LYPLAL1: variants seen among roughly 807,000 people sequenced by gnomAD.
LYPLAL1 encodes lysophospholipase-like protein 1.
In LYPLAL1, 23 loss-of-function variants were observed where a neutral mutation model predicts 19.7. The ratio of observed to expected loss-of-function variants is 1.17; its 90% confidence interval spans 0.84 to 1.65. LYPLAL1 has a LOEUF of 1.65. Ranked by LOEUF, LYPLAL1 falls within the 40% of genes most tolerant of loss-of-function variation. The probability of loss-of-function intolerance (pLI) is 0.00; values close to 1 mark genes in which losing one functional copy is unlikely to be tolerated. For missense variants in LYPLAL1, 355 were observed against 279.4 expected (o/e 1.27, Z -1.93); for synonymous variants, 119 against 96.3 (o/e 1.24, Z -1.38).
chr1:219,376,859 A>G, the LYPLAL1 span, among the ~76,000 whole-genome samples: 3 of 152,226 alleles, frequency 2.0e-5, no homozygotes, highest in African/African-American at 4.8e-5. Context: ...TGGGGAAATC[A>G]GAATCTCTGT....
the LYPLAL1 span, among the ~76,000 whole-genome samples, chr1:219,225,129 C>CTA: frequency 1.4e-4 from 21 of 152,146 alleles, no homozygotes; most frequent in African/African-American, 4.8e-4. Context: ...GGCTCCATGT[C>CTA]TATACCTCTG....
At chr1:219,353,983 G>A in the LYPLAL1 span, among the ~76,000 whole-genome samples, 1 of 152,128 alleles carries the variant, frequency 6.6e-6, no homozygotes, top group African/African-American at 2.4e-5. Context: ...AACAATCACT[G>A]TGTGTACATA....
chr1:219,312,112 G>C, the LYPLAL1 span, among the ~76,000 whole-genome samples: 1 of 152,166 alleles, frequency 6.6e-6, no homozygotes, highest in East Asian at 1.9e-4. Context: ...TGGTGCATTG[G>C]ACAGTTTGGG....
At chr1:219,419,594 C>CACACACACACAGAGAG in the LYPLAL1 span, among the ~76,000 whole-genome samples, 45 of 99,600 alleles carry the variant, frequency 4.5e-4, 1 homozygote, top group African/African-American at 1.3e-3. Context: ...CACACACACA[C>CACACACACACAGAGAG]AGAGAGAGAG....
At chr1:219,175,003 G>A (rs1655693746) in intron 1 of LYPLAL1, 1 of 985,342 alleles carries the variant, frequency 1.0e-6, no homozygotes, top group Non-Finnish European at 1.2e-6. Flanking sequence ...GAAGAAAGTG[G>A]TCTTTGAGCC....
chr1:219,174,254 A>G lies in LYPLAL1; in HGVS notation c.91+273A>G, dbSNP rs918818850. 5.2e-6 allele frequency: 7 copies of G among 1,352,334 alleles called. No homozygotes were observed. The African/African-American group carries it at 8.9e-5, about 17-fold the overall frequency. 83.8% of individuals were successfully genotyped at this position (1,352,334 alleles called of 1,614,324 possible). A position where few individuals can be genotyped will look rare whatever the true frequency, so the allele number is the denominator to read the frequency against. ...CGCTCAGCCAGCCCTCCATCCCCACAACACACCTCCCCATTCCTCGCCCCA... is the reference window on the plus strand; with the variant it reads ...CGCTCAGCCAGCCCTCCATCCCCACGACACACCTCCCCATTCCTCGCCCCA... On this transcript the variant is annotated intron_variant, in intron 1 of 4. Coordinates refer to ENST00000366928, the MANE Select transcript of LYPLAL1 (RefSeq NM_138794.5).
rs940570 is a variant in LYPLAL1, at chr1:219,210,563, A to G, written c.393A>G (p.Ile131Met). 0.99 allele frequency: 1,599,005 copies of G among 1,608,552 alleles called. 795,240 individuals are homozygous for G. Among genetic ancestry groups the G allele is most frequent in the East Asian group, 1 (44,737 of 44,738 alleles). ...TCTCTATGGGAGGATGCATGGCAAT[A>G]CATTTAGCATATAGAAATCATCAAG... is the stretch of plus-strand genomic sequence containing the variant. ...GGFSMGGCMA[I>M]HLAYRNHQDV... Residue 131 changes from isoleucine to methionine, a missense_variant, in exon 4 of 5, where the codon ATA becomes ATG. By Grantham distance (10) the Ile-to-Met change is conservative (BLOSUM62 1). Transcript: ENST00000366928.
intron 2 of LYPLAL1, among the ~76,000 whole-genome samples, chr1:219,189,912 A>G: frequency 6.6e-6 from 1 of 151,694 alleles, no homozygotes; most frequent in East Asian, 1.9e-4. Context: ...AATAGCTAGG[A>G]CAAGTATGAA....
chr1:219,324,914 T>C, the LYPLAL1 span, among the ~76,000 whole-genome samples: 1 of 152,194 alleles, frequency 6.6e-6, no homozygotes, highest in Non-Finnish European at 1.5e-5. Context: ...CCTTGGCTTT[T>C]TTCAAATAAG....
At chr1:219,366,720 C>T in the LYPLAL1 span, among the ~76,000 whole-genome samples, 1 of 152,078 alleles carries the variant, frequency 6.6e-6, no homozygotes, top group African/African-American at 2.4e-5. Flanking sequence ...CATATTCTTA[C>T]CACAGAGAGA....
At chr1:219,232,354 A>G in the LYPLAL1 span, among the ~76,000 whole-genome samples, 8 of 152,168 alleles carry the variant, frequency 5.3e-5, no homozygotes, top group Non-Finnish European at 1.2e-4. Context: ...ATAGTGTAAT[A>G]TGAAGTTGGG....
chr1:219,216,118 CTA>C (rs1259754017), downstream of LYPLAL1, among the ~76,000 whole-genome samples: 1 of 151,928 alleles, frequency 6.6e-6, no homozygotes, highest in African/African-American at 2.4e-5. Context: ...CTGTTCATCT[CTA>C]GTTTTTTTAT....
the LYPLAL1 span, among the ~76,000 whole-genome samples, chr1:219,360,756 C>T: frequency 6.6e-6 from 1 of 152,050 alleles, no homozygotes; most frequent in Non-Finnish European, 1.5e-5. Flanking sequence ...GGACCTCTTC[C>T]CATGAAGGCA....
At chr1:219,334,473 C>T in the LYPLAL1 span, among the ~76,000 whole-genome samples, 1 of 151,428 alleles carries the variant, frequency 6.6e-6, no homozygotes, top group African/African-American at 2.4e-5. Flanking sequence ...TCAGTGAAAT[C>T]CCTACTTTTC....
At chr1:219,428,758 T>G in the LYPLAL1 span, among the ~76,000 whole-genome samples, 3 of 152,232 alleles carry the variant, frequency 2.0e-5, no homozygotes, top group African/African-American at 7.2e-5. Flanking sequence ...AACGCATTTT[T>G]CAAACAGCAT....
At chr1:219,410,517 CA>C in the LYPLAL1 span, among the ~76,000 whole-genome samples, 1 of 152,248 alleles carries the variant, frequency 6.6e-6, no homozygotes, top group Non-Finnish European at 1.5e-5. Context: ...CGCTTGCTCT[CA>C]GCACCTCCCC....
In LYPLAL1 at chr1:219,200,265, T is replaced by C. The variant is rs147683680; in HGVS notation, c.361+7014T>C. On this transcript the variant is annotated intron_variant, in intron 3 of 4. Coordinates refer to ENST00000366928, the MANE Select transcript of LYPLAL1 (RefSeq NM_138794.5). ...AGCTTTACCTCTATGACCCCATGTA[T>C]TCTTCACTACCATTTGTAGCTCCAG... The C allele has an allele frequency of 9.3e-4, 214 of 230,510 alleles. 2 individuals carry two copies. Among genetic ancestry groups the C allele is most frequent in the African/African-American group, 4.5e-3 (198 of 43,788 alleles). 14.3% of individuals were successfully genotyped at this position (230,510 alleles called of 1,614,324 possible).
the LYPLAL1 span, among the ~76,000 whole-genome samples, chr1:219,338,109 C>A: frequency 1.3e-5 from 2 of 152,086 alleles, no homozygotes; most frequent in South Asian, 4.1e-4. Context: ...GGAACTTACC[C>A]TACCCCAAGT....
At chr1:219,436,227 TA>T in the LYPLAL1 span, among the ~76,000 whole-genome samples, 17 of 152,192 alleles carry the variant, frequency 1.1e-4, no homozygotes, top group Non-Finnish European at 1.9e-4. Context: ...CACTTGGACA[TA>T]AAAGTCTGGG....
Sources: allele counts gnomAD v4.1 joint callset (sites outside exome capture counted in the v4.1 genomes callset), GRCh38; gene constraint gnomAD v4.1.1; transcripts MANE v1.5; gene names NCBI Gene and HGNC (gene_info 2026-07-23, HGNC 2026-07-21).